CAMTA1: variants seen among roughly 807,000 people sequenced by gnomAD.
CAMTA1 encodes the protein calmodulin binding transcription activator 1.
CAMTA1 carries 27 observed loss-of-function variants against 170.9 expected under a neutral mutation model. The ratio of observed to expected loss-of-function variants is 0.16; its 90% CI spans 0.12 to 0.22. The LOEUF is 0.22. Ranked by LOEUF, CAMTA1 falls within the 10% of genes least tolerant of loss-of-function variation. The pLI, the probability that CAMTA1 is intolerant of heterozygous loss-of-function variation, is 1.00. For missense variants in CAMTA1, 1,619 were observed against 2,217.2 expected (o/e 0.73, Z 5.42); for synonymous variants, 833 against 891.5 (o/e 0.93, Z 1.17).
intron 6 of CAMTA1, among the ~76,000 whole-genome samples, chr1:7,533,258 G>T (rs114591362): frequency 6.6e-6 from 1 of 152,144 alleles, no homozygotes; most frequent in African/African-American, 2.4e-5. Context: ...TCCACTCCAG[G>T]CTCCACTGAG....
intron 6 of CAMTA1, among the ~76,000 whole-genome samples, chr1:7,639,277 C>G (rs1042473624): frequency 6.6e-6 from 1 of 152,220 alleles, no homozygotes; most frequent in Non-Finnish European, 1.5e-5. Flanking sequence ...CCACGCCCGG[C>G]CCAAACTGGT....
rs963064892 is a variant in CAMTA1, at chr1:7,520,999, A to G, written c.510+53098A>G. 2.0e-5 allele frequency among the ~76,000 whole-genome samples: 3 copies of G among 152,178 alleles called. No individual in the cohort carries two copies. In the East Asian group the frequency reaches 5.8e-4, roughly 29 times the overall value. On this transcript the variant is annotated intron_variant, in intron 6 of 22. Transcript: ENST00000303635. ...CACTTGATATTAGTGGTTCCCAAAT[A>G]CTTGTCTTCAATCCTGTATTGCTTG...
intron 7 of CAMTA1, among the ~76,000 whole-genome samples, chr1:7,652,313 C>T (rs997818326): frequency 6.6e-6 from 1 of 152,162 alleles, no homozygotes; most frequent in African/African-American, 2.4e-5. Flanking sequence ...TTCCCCCTTC[C>T]TCTCCTGCTT....
At chr1:7,544,369 T>C (rs1376826139) in intron 6 of CAMTA1, among the ~76,000 whole-genome samples, 1 of 152,098 alleles carries the variant, frequency 6.6e-6, no homozygotes, top group African/African-American at 2.4e-5. Flanking sequence ...ATTATGAGAG[T>C]ACAATTCAAG....
At chr1:7,303,230 T>C (rs1194764301) in intron 5 of CAMTA1, among the ~76,000 whole-genome samples, 2 of 152,236 alleles carry the variant, frequency 1.3e-5, no homozygotes, top group Non-Finnish European at 2.9e-5. Context: ...CCTAGAGCAC[T>C]CTCTTCCTTC....
At chr1:7,126,265 G>A (rs4460663) in intron 4 of CAMTA1, among the ~76,000 whole-genome samples, 92,465 of 151,918 alleles carry the variant, frequency 0.61, 28,596 homozygotes, top group African/African-American at 0.72. Flanking sequence ...CAGCAGTCCC[G>A]CAAACCTAAC....
intron 6 of CAMTA1, among the ~76,000 whole-genome samples, chr1:7,601,347 G>A (rs531083739): frequency 1.5e-3 from 211 of 140,430 alleles, no homozygotes; most frequent in African/African-American, 4.5e-3. Context: ...CAGACGGGGC[G>A]GCAGGGCAGA....
In CAMTA1 at chr1:7,738,498, A is replaced by AAT; in HGVS notation, c.4182+16_4182+17insAT. 6.2e-7 allele frequency: 1 copy of AAT among 1,607,244 alleles called. No individual in the cohort carries two copies. The highest frequency in any genetic ancestry group is 8.5e-7 in the Non-Finnish European group (1 of 1,175,330). On this transcript the variant is annotated intron_variant, in intron 16 of 22. Coordinates refer to ENST00000303635, the MANE Select transcript of CAMTA1 (RefSeq NM_015215.4). This position sits in a 1 kb window ranked among gnomAD's most constrained non-coding sequence, Gnocchi z 4.9. ...TGACATACAGGTAAAAAGCAGGGAC[A>AAT]GGGTAAGCCCGCAGAGGCTGGTGCG...
At position 7,769,339 on chromosome 1, in the gene CAMTA1, C is replaced by T. The variant is rs746609829; in HGVS notation, c.*2848C>T. The T allele has an allele frequency of 6.5e-6, 1 of 152,774 alleles. No homozygotes were observed. The highest frequency in any genetic ancestry group is 2.4e-5 in the African/African-American group (1 of 41,456). 9.5% of individuals were successfully genotyped at this position (152,774 alleles called of 1,614,324 possible). The stretch of plus-strand genomic sequence containing the variant: ...AAATTAATAGCTAATCTTATTCTAT[C>T]TCCTGAAGATTTAATTGCTATTGTT... On this transcript the variant is annotated 3_prime_UTR_variant, in exon 23 of 23. Transcript: ENST00000303635.
intron 5 of CAMTA1, among the ~76,000 whole-genome samples, chr1:7,268,429 T>C (rs1669237113): frequency 6.6e-6 from 1 of 152,196 alleles, no homozygotes; most frequent in Admixed American, 6.5e-5. Flanking sequence ...CACACAGAAC[T>C]GGGAACCACT....
At chr1:7,646,885 A>G (rs968152731) in intron 7 of CAMTA1, among the ~76,000 whole-genome samples, 2 of 152,150 alleles carry the variant, frequency 1.3e-5, no homozygotes, top group African/African-American at 4.8e-5. Flanking sequence ...CATCTCCCCT[A>G]ACACACTGGT....
rs774120040 is a variant in CAMTA1 at position 7,755,661 on chromosome 1, A to G, written c.4982A>G (p.Tyr1661Cys). 7 of 1,613,762 alleles carry G rather than the reference A, an allele frequency of 4.3e-6. No homozygotes were observed. Among genetic ancestry groups the G allele is most frequent in the Admixed American group, 1.7e-5 (1 of 60,004 alleles). Reference sequence around the variant, plus strand: ...AGCCCCCTGGTGGACCATAGGCTGTACAAAAGGGTGAGTTTAGCTGCCTGC... The same window carrying G: ...AGCCCCCTGGTGGACCATAGGCTGTGCAAAAGGGTGAGTTTAGCTGCCTGC... ...RHSPLVDHRL[Y>C]KRSERIEKGQ... The change falls in exon 22 of 23, where the codon TAC (tyrosine) becomes TGC (cysteine). Residue 1661 changes from tyrosine (Y) to cysteine (C), a missense_variant. This residue lies in a region of CAMTA1 where 128 missense variants were observed against 213.5 expected (regional missense o/e 0.60). Transcript: ENST00000303635.
rs866005276 is a variant in CAMTA1 at position 7,202,486 on chromosome 1, T to G, written c.303-47005T>G. 5.3e-5 allele frequency among the ~76,000 whole-genome samples: 8 copies of G among 152,330 alleles called. No homozygotes were observed. In the East Asian group the frequency reaches 1.5e-3, roughly 29 times the overall value. On this transcript the variant is annotated intron_variant, in intron 4 of 22. Transcript: ENST00000303635. ...TAGAGCAGTTTGGAGAGTACTGATA[T>G]CTTAACGATGTTAAGTTTTCTGACC...
intron 3 of CAMTA1, among the ~76,000 whole-genome samples, chr1:7,075,165 G>A (rs1397929843): frequency 6.6e-6 from 1 of 152,054 alleles, no homozygotes; most frequent in African/African-American, 2.4e-5. Context: ...CACAACTTTG[G>A]TCATAATTCC....
intron 4 of CAMTA1, among the ~76,000 whole-genome samples, chr1:7,097,237 T>G (rs1278892093): frequency 4.6e-5 from 7 of 152,224 alleles, no homozygotes; most frequent in Non-Finnish European, 1.0e-4. Context: ...AAGGACAAGG[T>G]CATGCTGTCC....
chr1:7,544,440 G>C (rs1056058207), intron 6 of CAMTA1, among the ~76,000 whole-genome samples: 1 of 152,188 alleles, frequency 6.6e-6, no homozygotes. Context: ...TTTCCCACCG[G>C]TGTTGAGGAG....
chr1:7,286,832 C>T lies in CAMTA1; in HGVS notation c.438+37206C>T, dbSNP rs948989883. On this transcript the variant is annotated intron_variant, in intron 5 of 22. Coordinates refer to ENST00000303635, the MANE Select transcript of CAMTA1 (RefSeq NM_015215.4). This position sits in a 1 kb window ranked among gnomAD's most constrained non-coding sequence, Gnocchi z 4.2. ...ATATCAGGCAAGTTATTTAACTTTC[C>T]TAAGCCTCAGTTTCCTCCTCTGAAA... 3.3e-5 allele frequency among the ~76,000 whole-genome samples: 5 copies of T among 152,184 alleles called. No individual in the cohort carries two copies. In the South Asian group the frequency reaches 8.3e-4, roughly 25 times the overall value.
In CAMTA1 at chr1:7,732,301, C is replaced by A; in HGVS notation, c.2915-147C>A. ...AGGTGGTGACAGATTCACGATCGTG[C>A]TGGGGAACTCTGGCTGGCGGAGACC... On this transcript the variant is annotated intron_variant, in intron 11 of 22. Transcript: ENST00000303635. This position sits in a 1 kb window ranked among gnomAD's most constrained non-coding sequence, Gnocchi z 4.1. 1 of 652,062 alleles carries A rather than the reference C, an allele frequency of 1.5e-6. No individual in the cohort carries two copies. Among genetic ancestry groups the A allele is most frequent in the South Asian group, 1.8e-5 (1 of 54,902 alleles). 40.4% of individuals were successfully genotyped at this position (652,062 alleles called of 1,614,324 possible). A position where few individuals can be genotyped will look rare whatever the true frequency, so the allele number is the denominator to read the frequency against.
At chr1:6,882,373 G>A (rs1671865917) in intron 3 of CAMTA1, among the ~76,000 whole-genome samples, 1 of 152,194 alleles carries the variant, frequency 6.6e-6, no homozygotes, top group Non-Finnish European at 1.5e-5. Flanking sequence ...TAGAAGTAGG[G>A]AGACCAGTGA....
Sources: gnomAD v4.1 joint callset for allele counts (sites outside exome capture counted in the v4.1 genomes callset) on GRCh38, gnomAD v4.1.1 for gene constraint, gnomAD v4.1.1 regional missense constraint, Gnocchi (gnomAD v3.1) non-coding constraint, MANE v1.5 for transcripts, NCBI Gene and HGNC (gene_info 2026-07-23, HGNC 2026-07-21) for gene names.